Variants in SMIM14 observed in about 807,000 individuals in gnomAD.
SMIM14 encodes the protein small integral membrane protein 14.
Under a neutral mutation model 12.6 loss-of-function variants are expected in SMIM14, and 5 were observed. That is an observed-to-expected ratio of 0.40 (90% CI 0.21 to 0.83). The LOEUF is 0.83. SMIM14 is among the 40% of genes least tolerant of loss of function. The pLI is 0.37. For synonymous variants in SMIM14, 30 were observed against 40.1 expected (o/e 0.75, Z 0.95); for missense variants, 86 against 119.1 (o/e 0.72, Z 1.29).
At chr4:39,575,749 ATTT>A (rs35325470) in intron 2 of SMIM14, among the ~76,000 whole-genome samples, 20,017 of 132,218 alleles carry the variant, frequency 0.15, 1,744 homozygotes, top group South Asian at 0.32. Context: ...ATGCCCAGCT[ATTT>A]TTTTTTTTTT....
Position 39,590,631 on chromosome 4 carries a change from G to A in SMIM14, c.75+14440C>T, listed in dbSNP as rs564508409. ...AGCATGGCCAACAAGGCGAAACCCC[G>A]TCTCTACTAAAAATACAAAAGTTAG... On this transcript the variant is annotated intron_variant, in intron 2 of 4. Coordinates refer to ENST00000295958, the MANE Select transcript of SMIM14 (RefSeq NM_174921.3). Among the ~76,000 whole-genome samples the A allele has an allele frequency of 9.8e-4, 148 of 150,904 alleles. 1 individual carries two copies. The highest frequency in any genetic ancestry group is 3.6e-3 in the African/African-American group (146 of 41,076).
At position 39,576,273 on chromosome 4, in the gene SMIM14, A is replaced by T. The variant is rs548237994; in HGVS notation, c.76-3810T>A. On this transcript the variant is annotated intron_variant, in intron 2 of 4. Coordinates refer to ENST00000295958, the MANE Select transcript of SMIM14 (RefSeq NM_174921.3). ...AACACATATTTTTTAAATGTCAGAGACCCATGCAGAGAATGAAAATAGCAT... is the reference window on the plus strand; with the variant it reads ...AACACATATTTTTTAAATGTCAGAGTCCCATGCAGAGAATGAAAATAGCAT... Among the ~76,000 whole-genome samples, 9 of 151,888 alleles carry T rather than the reference A, an allele frequency of 5.9e-5. No individual in the cohort carries two copies. The South Asian group carries it at 1.7e-3, about 28-fold the overall frequency.
chr4:39,571,340 G>A (rs1050469127), intron 3 of SMIM14, among the ~76,000 whole-genome samples: 4 of 151,984 alleles, frequency 2.6e-5, no homozygotes, highest in African/African-American at 9.7e-5. Flanking sequence ...CACTTTGAGA[G>A]GCCGAGGCAG....
At chr4:39,596,538 TA>T (rs1420386912) in intron 2 of SMIM14, among the ~76,000 whole-genome samples, 1 of 152,218 alleles carries the variant, frequency 6.6e-6, no homozygotes, top group African/African-American at 2.4e-5. Flanking sequence ...AAAACTAACT[TA>T]CTTCAGTTTC....
rs559021574 is a variant in SMIM14 at position 39,602,007 on chromosome 4, T to TG, written c.75+3063dup. ...ACTCATGCCTGTAATCCCAGCACTTTGGGAGGGGGAGGTAGGCAGATAGTT... is the reference window on the plus strand; with the variant it reads ...ACTCATGCCTGTAATCCCAGCACTTTGGGGAGGGGGAGGTAGGCAGATAGTT... On this transcript the variant is annotated intron_variant, in intron 2 of 4. Coordinates refer to ENST00000295958, the MANE Select transcript of SMIM14 (RefSeq NM_174921.3). Among the ~76,000 whole-genome samples the TG allele has an allele frequency of 1.3e-3, 198 of 150,490 alleles. 1 individual carries two copies. Among genetic ancestry groups the TG allele is most frequent in the Admixed American group, 2.2e-3 (33 of 15,054 alleles).
chr4:39,618,515 T>C (rs1413274235), intron 1 of SMIM14, among the ~76,000 whole-genome samples: 4 of 151,712 alleles, frequency 2.6e-5, no homozygotes, highest in African/African-American at 9.7e-5. Flanking sequence ...GGCTTGGTGG[T>C]TGGTGGGCAC....
intron 2 of SMIM14, chr4:39,593,016 C>T (rs1714183457): frequency 6.6e-6 from 1 of 151,574 alleles, no homozygotes; most frequent in Non-Finnish European, 1.5e-5. Flanking sequence ...CTATTCCAAT[C>T]AATAGAAAAA....
intron 3 of SMIM14, among the ~76,000 whole-genome samples, chr4:39,561,648 G>A (rs879017983): frequency 6.6e-6 from 1 of 151,594 alleles, no homozygotes; most frequent in Non-Finnish European, 1.5e-5. Flanking sequence ...CGCCGGGCAC[G>A]GTGGCTCACA....
intron 1 of SMIM14, among the ~76,000 whole-genome samples, chr4:39,615,573 G>A (rs1578359349): frequency 6.6e-6 from 1 of 152,096 alleles, no homozygotes; most frequent in Non-Finnish European, 1.5e-5. Flanking sequence ...ATATAACAAA[G>A]TTTAACACTC....
At position 39,595,124 on chromosome 4, in the gene SMIM14, A is replaced by C. The variant is rs997268863; in HGVS notation, c.75+9947T>G. On this transcript the variant is annotated intron_variant, in intron 2 of 4. Coordinates refer to ENST00000295958, the MANE Select transcript of SMIM14 (RefSeq NM_174921.3). Reference sequence around the variant, plus strand: ...GCACACGTATGTTTATTGCGGCACTATTCACAATAGTAAAGACTCGGAACC... The same window carrying C: ...GCACACGTATGTTTATTGCGGCACTCTTCACAATAGTAAAGACTCGGAACC... 9.5e-4 allele frequency among the ~76,000 whole-genome samples: 135 copies of C among 141,700 alleles called. 1 individual carries two copies. The highest frequency in any genetic ancestry group is 3.5e-3 in the African/African-American group (134 of 38,156). The allele number at this position is 141,700 out of a possible 152,430, so 93.0% of individuals were successfully genotyped here. A position where few individuals can be genotyped will look rare whatever the true frequency, so the allele number is the denominator to read the frequency against.
rs145554219 is a variant in SMIM14, at chr4:39,569,407, C to G, written c.124+3008G>C. Among the ~76,000 whole-genome samples the G allele has an allele frequency of 2.0e-5, 3 of 152,096 alleles. No homozygotes were observed. In the East Asian group the frequency reaches 5.8e-4, roughly 29 times the overall value. ...AAGTCTCTTTACAATTACCTTACTGCGTCTTGTTTCAGTTTCATATATATA... is the reference window on the plus strand; with the variant it reads ...AAGTCTCTTTACAATTACCTTACTGGGTCTTGTTTCAGTTTCATATATATA... On this transcript the variant is annotated intron_variant, in intron 3 of 4. Coordinates refer to ENST00000295958, the MANE Select transcript of SMIM14 (RefSeq NM_174921.3).
At chr4:39,578,455 AAAC>A (rs1196590212) in intron 2 of SMIM14, among the ~76,000 whole-genome samples, 2 of 152,224 alleles carry the variant, frequency 1.3e-5, no homozygotes, top group Non-Finnish European at 2.9e-5. Flanking sequence ...CAATTTGTAA[AAAC>A]AACAATTAGA....
In SMIM14 at chr4:39,600,943, T is replaced by TA. The variant is rs1222361066; in HGVS notation, c.75+4127dup. 5.9e-5 allele frequency among the ~76,000 whole-genome samples: 9 copies of TA among 152,142 alleles called. No individual in the cohort carries two copies. The South Asian group carries it at 1.0e-3, about 18-fold the overall frequency. On this transcript the variant is annotated intron_variant, in intron 2 of 4. Coordinates refer to ENST00000295958, the MANE Select transcript of SMIM14 (RefSeq NM_174921.3). Reference sequence around the variant, plus strand: ...ATTGTGAATAAATACAATTTTATTTTAAAAATTAAAAATAGGGAATGTATA... The same window carrying TA: ...ATTGTGAATAAATACAATTTTATTTTAAAAAATTAAAAATAGGGAATGTATA...
Position 39,587,249 on chromosome 4 carries a change from C to A in SMIM14, c.76-14786G>T, listed in dbSNP as rs188962283. Among the ~76,000 whole-genome samples the A allele has an allele frequency of 7.4e-4, 113 of 152,006 alleles. 1 individual carries two copies. The highest frequency in any genetic ancestry group is 2.7e-3 in the African/African-American group (111 of 41,384). ...CGGTGGCTCACGCCTGTAATCCCAGCACTTTGGGAGGCCGAGGTGGGTGGA... is the reference window on the plus strand; with the variant it reads ...CGGTGGCTCACGCCTGTAATCCCAGAACTTTGGGAGGCCGAGGTGGGTGGA... On this transcript the variant is annotated intron_variant, in intron 2 of 4. Coordinates refer to ENST00000295958, the MANE Select transcript of SMIM14 (RefSeq NM_174921.3).
intron 4 of SMIM14, 32 bp downstream of exon 4, chr4:39,556,396 C>T: frequency 6.3e-7 from 1 of 1,597,722 alleles, no homozygotes; most frequent in Non-Finnish European, 8.5e-7. Flanking sequence ...CATTCCCTTA[C>T]CCAAAAAGCA....
At chr4:39,599,095 G>C (rs1714493803) in intron 2 of SMIM14, among the ~76,000 whole-genome samples, 1 of 152,172 alleles carries the variant, frequency 6.6e-6, no homozygotes, top group African/African-American at 2.4e-5. Flanking sequence ...AGATTGGCTG[G>C]ATACAGAATG....
At chr4:39,575,079 G>GTTTTTTTTTTT (rs372419357) in intron 2 of SMIM14, among the ~76,000 whole-genome samples, 1 of 125,458 alleles carries the variant, frequency 8.0e-6, no homozygotes, top group Non-Finnish European at 1.7e-5. Flanking sequence ...CGAGAAAATA[G>GTTTTTTTTTTT]TTTTTTTTTT....
intron 1 of SMIM14, among the ~76,000 whole-genome samples, chr4:39,618,439 G>A (rs1267587195): frequency 6.6e-6 from 1 of 151,892 alleles, no homozygotes; most frequent in Non-Finnish European, 1.5e-5. Flanking sequence ...ACGAGGTCAG[G>A]AGTTCAAGAT....
intron 1 of SMIM14, among the ~76,000 whole-genome samples, chr4:39,631,282 A>G (rs1050702479): frequency 1.3e-5 from 2 of 151,022 alleles, no homozygotes; most frequent in Non-Finnish European, 2.9e-5. Flanking sequence ...CAGTGAGCTG[A>G]GATCGTGCCA....
Sources: allele counts gnomAD v4.1 joint callset (sites outside exome capture counted in the v4.1 genomes callset), GRCh38; gene constraint gnomAD v4.1.1; transcripts MANE v1.5; gene names NCBI Gene and HGNC (gene_info 2026-07-23, HGNC 2026-07-21).